The following NUBPL variants were observed in gnomAD, a reference collection of about 807,000 sequenced individuals.
NUBPL encodes the protein iron-sulfur cluster transfer protein NUBPL.
NUBPL carries 31 observed loss-of-function variants against 45.7 expected under a neutral mutation model. The observed-to-expected ratio is 0.68, with a 90% confidence interval of 0.51 to 0.92. The LOEUF is 0.92. Ranked by LOEUF, NUBPL falls within the 40% of genes least tolerant of loss-of-function variation. The pLI is 0.00. For missense variants in NUBPL, 401 were observed against 398.7 expected, an observed-to-expected ratio of 1.01 and a Z score of -0.05; for synonymous variants, 144 against 140.9, an observed-to-expected ratio of 1.02 and a Z score of -0.15.
chr14:31,653,188 A>G (rs189125803), intron 4 of NUBPL, among the ~76,000 whole-genome samples: 148 of 152,348 alleles, frequency 9.7e-4, no homozygotes, highest in Non-Finnish European at 1.5e-3. Flanking sequence ...ATGAGGTTCT[A>G]TGGTCAGCTG....
chr14:31,674,615 C>T (rs2036649274), intron 6 of NUBPL, among the ~76,000 whole-genome samples: 1 of 152,090 alleles, frequency 6.6e-6, no homozygotes, highest in African/African-American at 2.4e-5. Context: ...TTAACCCACC[C>T]TCTGTTTTCT....
intron 6 of NUBPL, among the ~76,000 whole-genome samples, chr14:31,681,661 A>T (rs899284682): frequency 1.3e-5 from 2 of 151,870 alleles, no homozygotes; most frequent in African/African-American, 2.4e-5. Flanking sequence ...ATTTTTTTTT[A>T]AATACAAGCA....
chr14:31,762,568 C>T (rs1311387143), intron 6 of NUBPL, among the ~76,000 whole-genome samples: 2 of 152,106 alleles, frequency 1.3e-5, no homozygotes, highest in South Asian at 2.1e-4. Context: ...TGTTAGATGA[C>T]ATATTAAATG....
intron 6 of NUBPL, among the ~76,000 whole-genome samples, chr14:31,693,566 G>T (rs185663774): frequency 1.5e-4 from 23 of 152,054 alleles, no homozygotes; most frequent in African/African-American, 5.5e-4. Flanking sequence ...TTATTACCTT[G>T]CATGGAAAAG....
At chr14:31,573,456 T>C (rs531445210) in intron 3 of NUBPL, among the ~76,000 whole-genome samples, 44 of 152,314 alleles carry the variant, frequency 2.9e-4, no homozygotes, top group South Asian at 1.5e-3. Context: ...TAGATGTGTA[T>C]TTGAATGCTT....
intron 9 of NUBPL, among the ~76,000 whole-genome samples, chr14:31,847,177 A>G (rs2040467144): frequency 6.6e-6 from 1 of 152,206 alleles, no homozygotes; most frequent in African/African-American, 2.4e-5. Context: ...ATTTGAAGCC[A>G]TATTTTAAAT....
intron 7 of NUBPL, among the ~76,000 whole-genome samples, chr14:31,813,074 T>G (rs937338725): frequency 6.6e-6 from 1 of 150,376 alleles, no homozygotes; most frequent in African/African-American, 2.4e-5. Context: ...CTGCAAGCCC[T>G]GCCTCCTGGG....
intron 6 of NUBPL, among the ~76,000 whole-genome samples, chr14:31,784,351 C>G (rs1416252332): frequency 2.0e-5 from 3 of 151,962 alleles, no homozygotes; most frequent in Non-Finnish European, 4.4e-5. Context: ...ATGTGATAGT[C>G]ATGAAGTCAT....
chr14:31,779,116 T>A (rs981450760), intron 6 of NUBPL, among the ~76,000 whole-genome samples: 1 of 150,062 alleles, frequency 6.7e-6, no homozygotes. Context: ...GAGAGGCGGG[T>A]GGATTACCTG....
At chr14:31,682,309 C>G (rs2036853540) in intron 6 of NUBPL, among the ~76,000 whole-genome samples, 1 of 152,124 alleles carries the variant, frequency 6.6e-6, no homozygotes, top group Non-Finnish European at 1.5e-5. Flanking sequence ...ATATTGAAGT[C>G]TACTTTATCT....
intron 4 of NUBPL, among the ~76,000 whole-genome samples, chr14:31,604,680 T>A (rs139942202): frequency 1.3e-5 from 2 of 152,314 alleles, no homozygotes; most frequent in African/African-American, 2.4e-5. Flanking sequence ...CATACGTTTA[T>A]CCACATTCTC....
At chr14:31,844,655 G>A (rs186901412) in intron 8 of NUBPL, 4 of 149,728 alleles carry the variant, frequency 2.7e-5, no homozygotes, top group Admixed American at 6.7e-5. Context: ...CAATTTTTTC[G>A]CCTTCTTATC....
At chr14:31,644,925 T>C (rs1414831043) in intron 4 of NUBPL, among the ~76,000 whole-genome samples, 2 of 152,210 alleles carry the variant, frequency 1.3e-5, no homozygotes, top group Non-Finnish European at 2.9e-5. Flanking sequence ...TTTTGCACAG[T>C]ATGATTTGTA....
intron 6 of NUBPL, among the ~76,000 whole-genome samples, chr14:31,708,772 C>T (rs1053241342): frequency 3.3e-5 from 5 of 152,176 alleles, no homozygotes; most frequent in African/African-American, 4.8e-5. Flanking sequence ...GTTCCGGGCA[C>T]CCTCAGTCCT....
intron 8 of NUBPL, among the ~76,000 whole-genome samples, chr14:31,843,436 T>C (rs7148271): frequency 0.59 from 89,944 of 152,176 alleles, 29,213 homozygotes; most frequent in African/African-American, 0.89. Flanking sequence ...AAGACAAGTC[T>C]ATTTAGCTTC....
intron 6 of NUBPL, 146 bp downstream of exon 6, chr14:31,673,720 T>A (rs2036629293): frequency 1.3e-6 from 1 of 743,960 alleles, no homozygotes; most frequent in Non-Finnish European, 2.4e-6. Flanking sequence ...AATGAGTTAA[T>A]GTGATGCCAA....
intron 2 of NUBPL, 25 bp from the exon 3 acceptor site, chr14:31,564,989 C>A: frequency 1.4e-6 from 2 of 1,410,858 alleles, no homozygotes; most frequent in African/African-American, 1.4e-5. Flanking sequence ...TTACTAAATT[C>A]AATTACTTTT....
chr14:31,778,332 C>CA (rs199576027), intron 6 of NUBPL, among the ~76,000 whole-genome samples: 17 of 151,464 alleles, frequency 1.1e-4, no homozygotes, highest in East Asian at 7.8e-4. Context: ...ACAAACAAGC[C>CA]AAAAAAAACA....
chr14:31,619,170 A>G (rs2034992501), intron 4 of NUBPL, among the ~76,000 whole-genome samples: 1 of 152,050 alleles, frequency 6.6e-6, no homozygotes, highest in African/African-American at 2.4e-5. Flanking sequence ...TTTTGAGCCT[A>G]TGTGTGTCTT....
Sources: gnomAD v4.1 joint callset for allele counts (sites outside exome capture counted in the v4.1 genomes callset) on GRCh38, gnomAD v4.1.1 for gene constraint, MANE v1.5 for transcripts, NCBI Gene and HGNC (gene_info 2026-07-23, HGNC 2026-07-21) for gene names.